Variants in NUP54 observed in about 807,000 individuals in gnomAD.
The protein encoded by NUP54 is nucleoporin 54.
A neutral mutation model predicts 66.4 loss-of-function variants in NUP54; 27 were observed. The ratio of observed to expected loss-of-function variants is 0.41; its 90% CI spans 0.30 to 0.56. The LOEUF (loss-of-function observed/expected upper bound fraction) is 0.56, where lower values mean the gene tolerates loss of function less well. Among genes scored for constraint, NUP54 ranks in the 20% least tolerant of loss-of-function variants. The pLI, the probability that NUP54 is intolerant of heterozygous loss-of-function variation, is 0.34. For missense variants in NUP54, 486 were observed against 596.3 expected (o/e 0.82, Z 1.93); for synonymous variants, 206 against 210.7 (o/e 0.98, Z 0.19).
intron 1 of NUP54, 99 bp downstream of exon 1, chr4:76,148,209 G>A (rs1731596014): frequency 2.2e-6 from 2 of 929,496 alleles, no homozygotes; most frequent in African/African-American, 1.7e-5. Flanking sequence ...CCGCGTCGGC[G>A]GGAGATTCCA....
intron 11 of NUP54, 48 bp downstream of exon 11, chr4:76,117,616 A>C: frequency 8.9e-7 from 1 of 1,123,312 alleles, no homozygotes; most frequent in Non-Finnish European, 1.3e-6. Flanking sequence ...AATAGGTGTG[A>C]AGTGGTGAGC....
chr4:76,118,028 G>T lies in NUP54; in HGVS notation c.1284+47C>A, dbSNP rs191815270. On this transcript the variant is annotated intron_variant, in intron 10 of 11. Coordinates refer to ENST00000264883, the MANE Select transcript of NUP54 (RefSeq NM_017426.4). ...AAGATTACATAACTTTTTGTCTGCA[G>T]ATCCACCTGAAACAAATTTTAGAAT... is the stretch of plus-strand genomic sequence containing the variant. 174 of 1,592,566 alleles carry T rather than the reference G, an allele frequency of 1.1e-4. No individual in the cohort carries two copies. In the African/African-American group the frequency reaches 2.2e-3, roughly 20 times the overall value.
At position 76,129,071 on chromosome 4, in the gene NUP54, G is replaced by T. The variant is rs116314995; in HGVS notation, c.1056+1585C>A. 7.7e-3 allele frequency among the ~76,000 whole-genome samples: 1,174 copies of T among 152,264 alleles called. 11 individuals carry two copies. The highest frequency in any genetic ancestry group is 0.02 in the South Asian group (97 of 4,818). ...ATTTATTGTGTTTCAAATAGCTATAGGAGTGAATTTCCCATGATACCAACA... is the reference window on the plus strand; with the variant it reads ...ATTTATTGTGTTTCAAATAGCTATATGAGTGAATTTCCCATGATACCAACA... On this transcript the variant is annotated intron_variant, in intron 8 of 11. Coordinates refer to ENST00000264883, the MANE Select transcript of NUP54 (RefSeq NM_017426.4).
intron 11 of NUP54, among the ~76,000 whole-genome samples, chr4:76,116,276 T>C (rs1017702768): frequency 3.3e-5 from 5 of 152,192 alleles, no homozygotes; most frequent in African/African-American, 9.6e-5. Flanking sequence ...GTGTGTAATA[T>C]CCAAGAACCT....
chr4:76,118,948 G>A (rs1423196717), intron 9 of NUP54, among the ~76,000 whole-genome samples: 5 of 152,048 alleles, frequency 3.3e-5, no homozygotes, highest in Admixed American at 1.3e-4. Context: ...AGAGCTTGCA[G>A]TGAGCCTAGA....
chr4:76,136,432 T>G lies in NUP54; in HGVS notation c.296-20A>C. The G allele has an allele frequency of 1.3e-6, 2 of 1,588,620 alleles. No individual in the cohort carries two copies. Among genetic ancestry groups the G allele is most frequent in the South Asian group, 2.3e-5 (2 of 88,808 alleles). On this transcript the variant is annotated intron_variant, in intron 3 of 11. Transcript: ENST00000264883. ...CTAATGCTAAAAATGTACCCAAAAT[T>G]AGTATTTAAAAACAAAACAAAACAA... is the stretch of plus-strand genomic sequence containing the variant.
At chr4:76,127,952 C>T (rs1230599547) in intron 8 of NUP54, among the ~76,000 whole-genome samples, 2 of 152,164 alleles carry the variant, frequency 1.3e-5, no homozygotes, top group Non-Finnish European at 2.9e-5. Flanking sequence ...TATTTGGGAA[C>T]TCTGGCAGGA....
At chr4:76,132,860 CTT>C (rs375936861) in intron 5 of NUP54, 141 bp from the exon 6 acceptor site, 20,547 of 492,692 alleles carry the variant, frequency 0.042, no homozygotes, top group South Asian at 0.07. Context: ...AAAATGTTTC[CTT>C]TTTTTTTTTT....
intron 9 of NUP54, among the ~76,000 whole-genome samples, chr4:76,119,593 GT>G (rs1448588072): frequency 4.6e-5 from 7 of 150,622 alleles, no homozygotes; most frequent in Non-Finnish European, 8.9e-5. Context: ...GCCCAGGCTG[GT>G]CTCAAACTCC....
chr4:76,129,716 T>C (rs895457608), intron 8 of NUP54, among the ~76,000 whole-genome samples: 2 of 151,698 alleles, frequency 1.3e-5, no homozygotes, highest in South Asian at 4.2e-4. Flanking sequence ...ATACAAAAAA[T>C]TAGCCGGGCG....
rs77955348 is a variant in NUP54 at position 76,141,838 on chromosome 4, A to G, written c.295+2311T>C. Among the ~76,000 whole-genome samples the G allele has an allele frequency of 3.8e-3, 580 of 152,328 alleles. 5 individuals are homozygous for G. The highest frequency in any genetic ancestry group is 0.013 in the African/African-American group (558 of 41,566). ...ATAAGGCACGCTAATAATCCAATTCATATCTATCTCTCCAACTCTCACTAC... is the reference window on the plus strand; with the variant it reads ...ATAAGGCACGCTAATAATCCAATTCGTATCTATCTCTCCAACTCTCACTAC... On this transcript the variant is annotated intron_variant, in intron 3 of 11. Transcript: ENST00000264883.
chr4:76,126,229 T>G (rs1730533401), intron 8 of NUP54, among the ~76,000 whole-genome samples: 3 of 152,214 alleles, frequency 2.0e-5, no homozygotes, highest in Admixed American at 2.0e-4. Context: ...TATTCTGCCT[T>G]AGGAAGTCTT....
At chr4:76,140,036 T>G (rs1274465019) in intron 3 of NUP54, among the ~76,000 whole-genome samples, 1 of 152,146 alleles carries the variant, frequency 6.6e-6, no homozygotes, top group Non-Finnish European at 1.5e-5. Context: ...TTAAAGTAGT[T>G]TTGTTGTTGT....
chr4:76,126,084 A>T (rs1730527245), intron 8 of NUP54, among the ~76,000 whole-genome samples: 2 of 152,146 alleles, frequency 1.3e-5, no homozygotes, highest in Non-Finnish European at 1.5e-5. Context: ...AGTACATTTC[A>T]ACATTAACTG....
At chr4:76,118,583 G>GGGT (rs1553941253) in intron 9 of NUP54, 1 of 93,202 alleles carries the variant, frequency 1.1e-5, no homozygotes, top group African/African-American at 4.8e-5. Context: ...TGGGGGGGGG[G>GGGT]GTCTCACTAT....
intron 4 of NUP54, 134 bp from the exon 5 acceptor site, chr4:76,134,496 T>A: frequency 1.3e-6 from 1 of 756,362 alleles, no homozygotes; most frequent in East Asian, 2.8e-5. Flanking sequence ...TAATGATTCT[T>A]CCCACCATTT....
chr4:76,143,578 T>C (rs1332912185), intron 3 of NUP54, among the ~76,000 whole-genome samples: 1 of 152,086 alleles, frequency 6.6e-6, no homozygotes, highest in Non-Finnish European at 1.5e-5. Context: ...CACTCCAGCC[T>C]GGGCGACAGA....
intron 3 of NUP54, among the ~76,000 whole-genome samples, chr4:76,143,547 T>C (rs1731355828): frequency 6.6e-6 from 1 of 152,182 alleles, no homozygotes; most frequent in Admixed American, 6.5e-5. Context: ...GAGGTTGCAG[T>C]GAGCCGAGGT....
intron 1 of NUP54, among the ~76,000 whole-genome samples, chr4:76,146,889 A>G (rs1009448690): frequency 6.6e-6 from 1 of 152,234 alleles, no homozygotes; most frequent in Non-Finnish European, 1.5e-5. Context: ...GCTCTCTTTG[A>G]GCATTTCCCA....
Sources: allele counts gnomAD v4.1 joint callset (sites outside exome capture counted in the v4.1 genomes callset), GRCh38; gene constraint gnomAD v4.1.1; transcripts MANE v1.5; gene names NCBI Gene and HGNC (gene_info 2026-07-23, HGNC 2026-07-21).